The following NEGR1 variants were observed in gnomAD, a reference collection of about 807,000 sequenced individuals.
The protein encoded by NEGR1 is IgLON family member 4.
In NEGR1, 10 loss-of-function variants were observed where a neutral mutation model predicts 40.9. The observed-to-expected ratio is 0.24, with a 90% CI of 0.15 to 0.42. The LOEUF is 0.42. NEGR1 is among the 10% of genes least tolerant of loss of function. The pLI is 1.00. For missense variants in NEGR1, 352 were observed against 438.9 expected, an observed-to-expected ratio of 0.80 and a Z score of 1.77; for synonymous variants, 185 against 166.8, an observed-to-expected ratio of 1.11 and a Z score of -0.84.
intron 1 of NEGR1, among the ~76,000 whole-genome samples, chr1:72,035,097 G>A (rs753655378): frequency 6.6e-6 from 1 of 151,940 alleles, no homozygotes; most frequent in Non-Finnish European, 1.5e-5. Flanking sequence ...GTCTTTTCTC[G>A]GCTATATAAA....
At chr1:71,445,375 T>C (rs1333402350) in intron 6 of NEGR1, among the ~76,000 whole-genome samples, 1 of 150,850 alleles carries the variant, frequency 6.6e-6, no homozygotes, top group South Asian at 2.1e-4. Flanking sequence ...TGGGACAATA[T>C]AGTTAGAAAA....
intron 1 of NEGR1, among the ~76,000 whole-genome samples, chr1:72,248,478 G>A (rs1255457830): frequency 4.0e-5 from 6 of 151,600 alleles, no homozygotes; most frequent in African/African-American, 1.2e-4. Context: ...GGCTGGTCCC[G>A]ATCTCCTGAC....
intron 1 of NEGR1, among the ~76,000 whole-genome samples, chr1:71,986,166 G>GT: frequency 6.6e-6 from 1 of 152,218 alleles, no homozygotes; most frequent in Non-Finnish European, 1.5e-5. Context: ...TAGAGTAATT[G>GT]TTTTTATCAT....
chr1:71,863,931 A>T (rs1450281349), intron 2 of NEGR1, among the ~76,000 whole-genome samples: 1 of 152,154 alleles, frequency 6.6e-6, no homozygotes, highest in Non-Finnish European at 1.5e-5. Context: ...GAATCTTTCC[A>T]CAACATTTTA....
At chr1:71,454,579 C>G (rs967781082) in intron 6 of NEGR1, among the ~76,000 whole-genome samples, 1 of 152,108 alleles carries the variant, frequency 6.6e-6, no homozygotes, top group Non-Finnish European at 1.5e-5. Flanking sequence ...TTACCTTCCA[C>G]TCTTACAATG....
At chr1:71,732,124 A>G (rs946024152) in intron 3 of NEGR1, among the ~76,000 whole-genome samples, 1 of 152,120 alleles carries the variant, frequency 6.6e-6, no homozygotes, top group Non-Finnish European at 1.5e-5. Flanking sequence ...CCTGGGCAAC[A>G]TGGTGAAACA....
chr1:72,161,879 T>C (rs1360712251), intron 1 of NEGR1, among the ~76,000 whole-genome samples: 1 of 151,480 alleles, frequency 6.6e-6, no homozygotes, highest in African/African-American at 2.4e-5. Context: ...TTAATGGAGA[T>C]GGGTTTTCAC....
rs1646237475 is a variant in NEGR1 at position 71,969,354 on chromosome 1, C to T, written c.177-34043G>A. ...AATATTGTAGTTAGCGTGCATATAC[C>T]ATCATGTTCTAAGAACTAAGATTCT... On this transcript the variant is annotated intron_variant, in intron 1 of 6. Transcript: ENST00000357731. Among the ~76,000 whole-genome samples the T allele has an allele frequency of 4.6e-5, 7 of 152,160 alleles. 1 individual carries two copies. The South Asian group carries it at 1.4e-3, about 31-fold the overall frequency.
chr1:71,498,143 T>A (rs769776514), intron 6 of NEGR1, among the ~76,000 whole-genome samples: 9 of 150,694 alleles, frequency 6.0e-5, no homozygotes, highest in Non-Finnish European at 1.0e-4. Flanking sequence ...AGTTGAAAGG[T>A]AATGGTCATC....
chr1:72,054,444 C>G (rs1251164783), intron 1 of NEGR1, among the ~76,000 whole-genome samples: 1 of 151,294 alleles, frequency 6.6e-6, no homozygotes, highest in Non-Finnish European at 1.5e-5. Context: ...TTCCCTATCT[C>G]AAGTCTATAA....
chr1:71,945,602 G>GTT (rs201910722), intron 1 of NEGR1, among the ~76,000 whole-genome samples: 1 of 148,368 alleles, frequency 6.7e-6, no homozygotes. Context: ...TGCCACAAAA[G>GTT]TTTCTTTTTT....
intron 1 of NEGR1, among the ~76,000 whole-genome samples, chr1:72,016,441 T>C (rs1646711026): frequency 6.6e-6 from 1 of 152,112 alleles, no homozygotes. Context: ...GAATCCACAC[T>C]CTAGCTCCTA....
intron 1 of NEGR1, among the ~76,000 whole-genome samples, chr1:72,010,148 AG>A (rs1646643524): frequency 6.6e-6 from 1 of 152,098 alleles, no homozygotes; most frequent in Non-Finnish European, 1.5e-5. Flanking sequence ...GAGTCAAAAC[AG>A]GTGTTTGGTT....
rs562987833 is a variant in NEGR1, at chr1:71,442,853, G to A, written c.941-35283C>T. On this transcript the variant is annotated intron_variant, in intron 6 of 6. Transcript: ENST00000357731. ...GATCGTTTGACAGAAACAAATTGAA[G>A]GTTATTGAGACAATCATCTTCCCAA... 3.9e-5 allele frequency among the ~76,000 whole-genome samples: 6 copies of A among 152,226 alleles called. No individual in the cohort carries two copies. In the South Asian group the frequency reaches 1.0e-3, roughly 26 times the overall value.
intron 1 of NEGR1, among the ~76,000 whole-genome samples, chr1:72,073,015 T>C (rs1231603119): frequency 6.6e-6 from 1 of 152,182 alleles, no homozygotes; most frequent in African/African-American, 2.4e-5. Flanking sequence ...GAGATTTGTA[T>C]ATAGGACATT....
chr1:71,935,333 A>G (rs757767811), intron 1 of NEGR1, 22 bp from the exon 2 acceptor site: 6 of 1,458,098 alleles, frequency 4.1e-6, no homozygotes, highest in Non-Finnish European at 4.8e-6. Flanking sequence ...AAGAGATACA[A>G]CACTATTAAT....
intron 1 of NEGR1, among the ~76,000 whole-genome samples, chr1:72,202,569 A>C (rs530682719): frequency 6.6e-6 from 1 of 152,138 alleles, no homozygotes; most frequent in South Asian, 2.1e-4. Flanking sequence ...TTATGGATAT[A>C]AAGAGTGTTT....
In NEGR1 at chr1:71,913,825, G is replaced by T. The variant is rs377351219; in HGVS notation, c.409+21254C>A. Among the ~76,000 whole-genome samples, 12 of 144,458 alleles carry T rather than the reference G, an allele frequency of 8.3e-5. No homozygotes were observed. In the East Asian group the frequency reaches 1.1e-3, roughly 13 times the overall value. 94.8% of individuals were successfully genotyped at this position (144,458 alleles called of 152,430 possible). ...CATTTACACATGGTTGCAAACTCTA[G>T]TAACACAAAGTGTTTCCTCTGAAGG... On this transcript the variant is annotated intron_variant, in intron 2 of 6. Coordinates refer to ENST00000357731, the MANE Select transcript of NEGR1 (RefSeq NM_173808.3).
Position 71,890,209 on chromosome 1 carries a change from A to G in NEGR1, c.409+44870T>C, listed in dbSNP as rs1305605002. Among the ~76,000 whole-genome samples the G allele has an allele frequency of 6.6e-4, 60 of 90,894 alleles. 1 individual carries two copies. Among genetic ancestry groups the G allele is most frequent in the African/African-American group, 2.3e-3 (50 of 22,064 alleles). 59.6% of individuals were successfully genotyped at this position (90,894 alleles called of 152,430 possible). On this transcript the variant is annotated intron_variant, in intron 2 of 6. Transcript: ENST00000357731. ...ATCATAATGACAGGATCAAATTCAC[A>G]CATAACAATATTAACTTTAAATATA... is the stretch of plus-strand genomic sequence containing the variant.
Sources: gnomAD v4.1 joint callset for allele counts (sites outside exome capture counted in the v4.1 genomes callset) on GRCh38, gnomAD v4.1.1 for gene constraint, MANE v1.5 for transcripts, NCBI Gene and HGNC (gene_info 2026-07-23, HGNC 2026-07-21) for gene names.